Variants in MYCBP2 observed in about 807,000 individuals in gnomAD.
MYCBP2 encodes MYC binding protein 2, also known as E3 ubiquitin-protein ligase MYCBP2.
A neutral mutation model predicts 525.3 loss-of-function variants in MYCBP2; 120 were observed. The ratio of observed to expected loss-of-function variants is 0.23; its 90% CI spans 0.20 to 0.27. The LOEUF is 0.27. Among genes scored for constraint, MYCBP2 ranks in the 10% least tolerant of loss-of-function variants. The probability of loss-of-function intolerance (pLI) is 1.00; values close to 1 mark genes in which losing one functional copy is unlikely to be tolerated. For synonymous variants in MYCBP2, 1,894 were observed against 1,955.8 expected (o/e 0.97, Z 0.83); for missense variants, 4,149 against 5,657.1 (o/e 0.73, Z 8.55).
At position 77,251,374 on chromosome 13, in the gene MYCBP2, T is replaced by C. The variant is rs531418036; in HGVS notation, c.2177-19A>G. On this transcript the variant is annotated intron_variant, in intron 14 of 82. Transcript: ENST00000544440. ...CCAAACCCTATTTGACAGATCAATT[T>C]GTAATTTTTATACAGGTTACTTTCA... The C allele has an allele frequency of 1.2e-6, 2 of 1,608,900 alleles. No homozygotes were observed. The highest frequency in any genetic ancestry group is 2.2e-5 in the East Asian group (1 of 44,858).
intron 26 of MYCBP2, among the ~76,000 whole-genome samples, chr13:77,203,363 G>C (rs1341727095): frequency 6.6e-6 from 1 of 152,080 alleles, no homozygotes; most frequent in Non-Finnish European, 1.5e-5. Context: ...TCTTCAAGGA[G>C]AACTACAAAC....
chr13:77,129,116 T>C (rs1181088134), intron 52 of MYCBP2: 5 of 397,184 alleles, frequency 1.3e-5, no homozygotes, highest in Non-Finnish European at 2.2e-5. Context: ...CATGCTGAAA[T>C]ACCTGAATAA....
chr13:77,288,363 T>G lies in MYCBP2; in HGVS notation c.392A>C (p.Glu131Ala). Residue 131 changes from glutamate (E) to alanine (A), a missense_variant, in exon 3 of 83, where the codon GAG (glutamate) becomes GCG (alanine). Physicochemically the swap from Glu to Ala is moderately radical, Grantham distance 107 (BLOSUM62 -1). Around this residue, in one of 21 missense-constraint regions of MYCBP2, gnomAD observed 413 missense variants for 451.2 expected, o/e 0.92. Coordinates refer to ENST00000544440, the MANE Select transcript of MYCBP2 (RefSeq NM_015057.5). The stretch of plus-strand genomic sequence containing the variant: ...GATATCTGGTATGATTACTGTATTC[T>G]CTAAGTTTTCAGACTGAAATACAAA... ...VKTRSKSENL[E>A]NTVIIPDIKL... 1 of 1,612,178 alleles carries G rather than the reference T, an allele frequency of 6.2e-7. No individual in the cohort carries two copies. Among genetic ancestry groups the G allele is most frequent in the Non-Finnish European group, 8.5e-7 (1 of 1,178,608 alleles).
chr13:77,286,755 CAAAAAAAAAA>C (rs869038227), intron 3 of MYCBP2, among the ~76,000 whole-genome samples: 2 of 11,360 alleles, frequency 1.8e-4, no homozygotes, highest in South Asian at 6.9e-3. Context: ...GACTCCGTCT[CAAAAAAAAAA>C]AAAAAAAAAA....
At chr13:77,302,375 G>A (rs1254924250) in intron 1 of MYCBP2, among the ~76,000 whole-genome samples, 1 of 150,174 alleles carries the variant, frequency 6.7e-6, no homozygotes, top group Non-Finnish European at 1.5e-5. Context: ...AAAGGGCTGG[G>A]GGGTGGGGAG....
intron 48 of MYCBP2, among the ~76,000 whole-genome samples, chr13:77,145,699 AAATATT>A (rs1369714517): frequency 2.0e-5 from 3 of 152,124 alleles, no homozygotes; most frequent in African/African-American, 7.2e-5. Flanking sequence ...CTAACAAATA[AAATATT>A]AACTCAAAAA....
At chr13:77,233,469 A>G (rs1274107784) in intron 17 of MYCBP2, among the ~76,000 whole-genome samples, 1 of 149,820 alleles carries the variant, frequency 6.7e-6, no homozygotes, top group Non-Finnish European at 1.5e-5. Flanking sequence ...TATCTTAAAT[A>G]TAATTTATAA....
intron 1 of MYCBP2, among the ~76,000 whole-genome samples, chr13:77,319,499 A>G (rs2081342283): frequency 2.6e-5 from 4 of 152,168 alleles, no homozygotes; most frequent in Admixed American, 6.5e-5. Flanking sequence ...TTTTCCTCTT[A>G]CTGTATATGT....
chr13:77,183,555 T>C (rs1330272862), intron 32 of MYCBP2, among the ~76,000 whole-genome samples: 3 of 128,034 alleles, frequency 2.3e-5, no homozygotes, highest in African/African-American at 8.7e-5. Context: ...TTTTTTTTTT[T>C]TTTTTTTTTT....
intron 1 of MYCBP2, among the ~76,000 whole-genome samples, chr13:77,312,829 T>G (rs2080432633): frequency 6.6e-6 from 1 of 152,014 alleles, no homozygotes; most frequent in Non-Finnish European, 1.5e-5. Context: ...GGATTTCTTT[T>G]TTTAAGGGCA....
At chr13:77,308,186 CA>C (rs200876431) in intron 1 of MYCBP2, among the ~76,000 whole-genome samples, 1,813 of 152,288 alleles carry the variant, frequency 0.012, 31 homozygotes, top group African/African-American at 0.04. Flanking sequence ...CCCTACCCAT[CA>C]ACTCAGAGCA....
chr13:77,298,883 G>A (rs1158475872), intron 1 of MYCBP2, among the ~76,000 whole-genome samples: 1 of 152,180 alleles, frequency 6.6e-6, no homozygotes, highest in Non-Finnish European at 1.5e-5. Context: ...AGCATTGTGA[G>A]GGCATGATGA....
intron 13 of MYCBP2, 140 bp downstream of exon 13, chr13:77,260,288 G>A (rs992112591): frequency 2.8e-5 from 17 of 613,156 alleles, no homozygotes; most frequent in Middle Eastern, 4.4e-4. Context: ...TTTCTCTTTC[G>A]AAATATTTCA....
intron 3 of MYCBP2, among the ~76,000 whole-genome samples, chr13:77,287,443 C>T (rs2076995207): frequency 6.6e-6 from 1 of 152,120 alleles, no homozygotes; most frequent in Admixed American, 6.6e-5. Flanking sequence ...CCTTGGCCTC[C>T]CAAAGTGCTG....
intron 82 of MYCBP2, among the ~76,000 whole-genome samples, chr13:77,047,480 T>C (rs1472309122): frequency 6.6e-6 from 1 of 152,156 alleles, no homozygotes; most frequent in Non-Finnish European, 1.5e-5. Flanking sequence ...CAAATTTATA[T>C]ACTGACGTGT....
intron 68 of MYCBP2, among the ~76,000 whole-genome samples, chr13:77,073,099 C>A (rs1376362842): frequency 2.0e-5 from 3 of 152,038 alleles, no homozygotes; most frequent in Admixed American, 2.0e-4. Flanking sequence ...GTCAATATTA[C>A]AGCATTTTTA....
chr13:77,104,868 T>C (rs2047617002), intron 55 of MYCBP2, among the ~76,000 whole-genome samples: 2 of 152,242 alleles, frequency 1.3e-5, no homozygotes, highest in South Asian at 4.1e-4. Flanking sequence ...AAAGCCATCT[T>C]AATCTAAGTT....
chr13:77,183,011 T>C (rs1396221463), intron 32 of MYCBP2, among the ~76,000 whole-genome samples: 1 of 152,242 alleles, frequency 6.6e-6, no homozygotes, highest in Non-Finnish European at 1.5e-5. Context: ...TGTAGCTATA[T>C]GGAGGAAATC....
In MYCBP2 at chr13:77,211,217, A is replaced by T; in HGVS notation, c.3366T>A (p.Asp1122Glu). 1.3e-6 allele frequency: 2 copies of T among 1,538,616 alleles called. No homozygotes were observed. The highest frequency in any genetic ancestry group is 1.3e-5 in the South Asian group (1 of 78,126). ...CKTFNDSEQE[D>E]LQGFGVCLDP... ...CAAGACACACACCAAATCCTTGCAG[A>T]TCCTCTTGTTCTGAGTCATTAAAAG... Residue 1122 changes from aspartate to glutamate, a missense_variant, in exon 23 of 83, where the codon GAT becomes GAA. Transcript: ENST00000544440.
Sources: allele counts gnomAD v4.1 joint callset (sites outside exome capture counted in the v4.1 genomes callset), GRCh38; gene constraint gnomAD v4.1.1; regional missense constraint gnomAD v4.1.1; transcripts MANE v1.5; gene names NCBI Gene and HGNC (gene_info 2026-07-23, HGNC 2026-07-21).